The following SYK variants were observed in gnomAD, a reference collection of about 807,000 sequenced individuals.
SYK encodes tyrosine-protein kinase SYK.
A neutral mutation model predicts 77.8 loss-of-function variants in SYK; 16 were observed. The ratio of observed to expected loss-of-function variants is 0.21; its 90% confidence interval spans 0.14 to 0.31. SYK has a LOEUF of 0.31. Ranked by LOEUF, SYK falls within the 10% of genes least tolerant of loss-of-function variation. The pLI is 1.00. For synonymous variants in SYK, 312 were observed against 308.7 expected, an observed-to-expected ratio of 1.01 and a Z score of -0.11; for missense variants, 529 against 814.4, an observed-to-expected ratio of 0.65 and a Z score of 4.26.
chr9:90,877,814 A>G (rs1828002866), intron 10 of SYK, 34 bp downstream of exon 10: 3 of 1,611,700 alleles, frequency 1.9e-6, no homozygotes, highest in South Asian at 1.1e-5. Flanking sequence ...TCTGGAAGCT[A>G]TCCCCTAAGG....
At chr9:90,827,277 G>A (rs963468322) in intron 1 of SYK, among the ~76,000 whole-genome samples, 3 of 152,092 alleles carry the variant, frequency 2.0e-5, no homozygotes, top group Admixed American at 2.0e-4. Flanking sequence ...ATGTCTCAGA[G>A]CATTACTTCA....
rs1829053143 is a variant in SYK at position 90,897,888 on chromosome 9, C to CT, written c.*2291dup. 4.4e-6 allele frequency: 1 copy of CT among 225,254 alleles called. No individual in the cohort carries two copies. Among genetic ancestry groups the CT allele is most frequent in the Admixed American group, 5.7e-5 (1 of 17,542 alleles). The allele number at this position is 225,254 out of a possible 1,614,324, so 14.0% of individuals were successfully genotyped here. ...TGTCTTGTGGTCAGGAATAATTATC[C>CT]TTTCCCCTGTAGCCACCAAGGAGGG... On this transcript the variant is annotated 3_prime_UTR_variant, in exon 14 of 14. Transcript: ENST00000375754.
At chr9:90,805,494 G>A (rs1306110301) in intron 1 of SYK, among the ~76,000 whole-genome samples, 1 of 152,214 alleles carries the variant, frequency 6.6e-6, no homozygotes, top group Admixed American at 6.5e-5. Flanking sequence ...GTGAACTAGG[G>A]AGAGAAAGTA....
intron 1 of SYK, among the ~76,000 whole-genome samples, chr9:90,817,340 A>G (rs990404004): frequency 6.6e-6 from 1 of 152,174 alleles, no homozygotes; most frequent in Admixed American, 6.5e-5. Context: ...TTAATTTTAT[A>G]TATTTTAGAT....
At chr9:90,832,324 A>T (rs1487459870) in intron 1 of SYK, among the ~76,000 whole-genome samples, 1 of 152,268 alleles carries the variant, frequency 6.6e-6, no homozygotes, top group Non-Finnish European at 1.5e-5. Context: ...AAGAAATGAC[A>T]CTATGAAGAT....
intron 1 of SYK, among the ~76,000 whole-genome samples, chr9:90,818,541 C>T (rs896031997): frequency 3.3e-5 from 5 of 152,138 alleles, no homozygotes; most frequent in South Asian, 2.1e-4. Flanking sequence ...ACGGTCAGAT[C>T]GTAAGGAAGC....
intron 1 of SYK, among the ~76,000 whole-genome samples, chr9:90,837,044 TGCAAA>T (rs1564082463): frequency 3.3e-4 from 50 of 152,320 alleles, no homozygotes; most frequent in African/African-American, 1.1e-3. Flanking sequence ...ACATATAACA[TGCAAA>T]ATATGTGTTA....
intron 11 of SYK, 67 bp downstream of exon 11, chr9:90,879,020 CTTTAT>C (rs1828049439): frequency 8.1e-7 from 1 of 1,229,384 alleles, no homozygotes; most frequent in African/African-American, 1.5e-5. Flanking sequence ...TGTACGTTTT[CTTTAT>C]TTTATTATTG....
Position 90,874,820 on chromosome 9 carries a change from T to C in SYK, c.1152T>C (p.Thr384=). ...DKELGSGNFG[T]VKKGYYQMKK... ...AACTGGGCTCTGGTAATTTTGGAAC[T>C]GTGAAAAAGGGCTACTACCAAATGA... is the stretch of plus-strand genomic sequence containing the variant. Residue 384 remains threonine (T), a synonymous_variant, in exon 9 of 14, where the codon ACT becomes ACC. Transcript: ENST00000375754. The C allele has an allele frequency of 6.2e-7, 1 of 1,614,050 alleles. No individual in the cohort carries two copies. The highest frequency in any genetic ancestry group is 8.5e-7 in the Non-Finnish European group (1 of 1,179,972).
At chr9:90,847,849 G>T (rs1013732323) in intron 3 of SYK, among the ~76,000 whole-genome samples, 15 of 152,236 alleles carry the variant, frequency 9.9e-5, no homozygotes, top group African/African-American at 3.4e-4. Flanking sequence ...TCTCTCTTCA[G>T]TGCTCTTTCT....
At chr9:90,862,024 G>T (rs929825140) in intron 3 of SYK, among the ~76,000 whole-genome samples, 182 bp from the exon 4 acceptor site, 1 of 152,148 alleles carries the variant, frequency 6.6e-6, no homozygotes, top group Admixed American at 6.5e-5. Flanking sequence ...TGGTAAACTG[G>T]GCCTTCCTGG....
At chr9:90,866,111 G>A (rs1827482245) in intron 6 of SYK, among the ~76,000 whole-genome samples, 1 of 152,120 alleles carries the variant, frequency 6.6e-6, no homozygotes, top group African/African-American at 2.4e-5. Context: ...CCGTTAGCCA[G>A]GATGGTCTCG....
chr9:90,809,406 C>A (rs2118283718), intron 1 of SYK, among the ~76,000 whole-genome samples: 1 of 152,198 alleles, frequency 6.6e-6, no homozygotes, highest in East Asian at 1.9e-4. Flanking sequence ...TCCCTATCCA[C>A]TACTCTAATA....
intron 1 of SYK, among the ~76,000 whole-genome samples, chr9:90,821,326 C>G (rs1825508926): frequency 6.6e-6 from 1 of 152,200 alleles, no homozygotes; most frequent in South Asian, 2.1e-4. Context: ...TTTATTTTCA[C>G]ATTGCTGATA....
At chr9:90,833,614 G>A (rs1357329940) in intron 1 of SYK, among the ~76,000 whole-genome samples, 2 of 152,198 alleles carry the variant, frequency 1.3e-5, no homozygotes, top group African/African-American at 4.8e-5. Context: ...GACTGCCCTA[G>A]AAACATCATT....
intron 1 of SYK, among the ~76,000 whole-genome samples, chr9:90,809,437 T>C (rs1187888593): frequency 6.6e-6 from 1 of 151,882 alleles, no homozygotes; most frequent in East Asian, 1.9e-4. Context: ...GAGGATCTGC[T>C]GTCCTGCCTA....
chr9:90,889,491 G>A lies in SYK; in HGVS notation c.1835+864G>A, dbSNP rs1828709016. ...GACATTGCCAGAGCCTCTGAAAGATGAGGGCTATTCCAAATGCTGCAGATG... is the reference window on the plus strand; with the variant it reads ...GACATTGCCAGAGCCTCTGAAAGATAAGGGCTATTCCAAATGCTGCAGATG... On this transcript the variant is annotated intron_variant, in intron 13 of 13. Coordinates refer to ENST00000375754, the MANE Select transcript of SYK (RefSeq NM_003177.7). 2.6e-5 allele frequency among the ~76,000 whole-genome samples: 4 copies of A among 152,356 alleles called. No homozygotes were observed. In the South Asian group the frequency reaches 8.3e-4, roughly 32 times the overall value.
intron 13 of SYK, among the ~76,000 whole-genome samples, chr9:90,890,264 A>C (rs1190731631): frequency 5.3e-5 from 8 of 152,156 alleles, no homozygotes; most frequent in Admixed American, 2.6e-4. Flanking sequence ...CTCGTGGTGT[A>C]TTCTTGTGAC....
At chr9:90,851,403 A>G (rs2118695541) in intron 3 of SYK, among the ~76,000 whole-genome samples, 1 of 152,318 alleles carries the variant, frequency 6.6e-6, no homozygotes, top group South Asian at 2.1e-4. Flanking sequence ...AGAATAACGA[A>G]TATAAACAGA....
Sources: allele counts gnomAD v4.1 joint callset (sites outside exome capture counted in the v4.1 genomes callset), GRCh38; gene constraint gnomAD v4.1.1; transcripts MANE v1.5; gene names NCBI Gene and HGNC (gene_info 2026-07-23, HGNC 2026-07-21).